The following STK32C variants were observed in gnomAD, a reference collection of about 807,000 sequenced individuals.
STK32C encodes the protein serine/threonine kinase 32C.
A neutral mutation model predicts 56.5 loss-of-function variants in STK32C; 31 were observed. The ratio of observed to expected loss-of-function variants is 0.55; its 90% CI spans 0.41 to 0.74. The LOEUF (loss-of-function observed/expected upper bound fraction) is 0.74, where lower values mean the gene tolerates loss of function less well. Among genes scored for constraint, STK32C ranks in the 30% least tolerant of loss-of-function variants. The pLI is 0.00. For synonymous variants in STK32C, 309 were observed against 289.4 expected, an observed-to-expected ratio of 1.07 and a Z score of -0.69; for missense variants, 544 against 676.9, an observed-to-expected ratio of 0.80 and a Z score of 2.18.
At chr10:132,230,942 G>C (rs2063079771) in intron 2 of STK32C, among the ~76,000 whole-genome samples, 1 of 152,146 alleles carries the variant, frequency 6.6e-6, no homozygotes, top group Admixed American at 6.5e-5. Flanking sequence ...CTCACCAGGG[G>C]ACAGGGCACC....
intron 1 of STK32C, among the ~76,000 whole-genome samples, chr10:132,328,203 T>A (rs2066539907): frequency 6.6e-6 from 1 of 152,050 alleles, no homozygotes; most frequent in Non-Finnish European, 1.5e-5. Context: ...TTTTTAAAGA[T>A]AATTGGGAGG....
intron 1 of STK32C, among the ~76,000 whole-genome samples, chr10:132,277,307 T>G (rs1487149835): frequency 6.6e-6 from 1 of 152,146 alleles, no homozygotes; most frequent in Non-Finnish European, 1.5e-5. Context: ...CTTCCCAAGT[T>G]GCAGCACAGA....
In STK32C at chr10:132,307,322, G is replaced by C; in HGVS notation, c.262+250C>G. 5.9e-6 allele frequency: 2 copies of C among 341,692 alleles called. No individual in the cohort carries two copies. The highest frequency in any genetic ancestry group is 6.3e-5 in the South Asian group (1 of 15,856). The allele number at this position is 341,692 out of a possible 1,614,324, so 21.2% of individuals were successfully genotyped here. On this transcript the variant is annotated intron_variant, in intron 1 of 11. Transcript: ENST00000298630. The surrounding 1 kb of genome is among the most constrained non-coding windows in gnomAD (Gnocchi z 4.4). ...AGCCCGGAGACGCCACAGCCGCGGGGGACCCTCGCCCCGAGGGCCCGGGCC... is the reference window on the plus strand; with the variant it reads ...AGCCCGGAGACGCCACAGCCGCGGGCGACCCTCGCCCCGAGGGCCCGGGCC...
chr10:132,293,267 G>A (rs1367212597), intron 1 of STK32C, among the ~76,000 whole-genome samples: 8 of 152,216 alleles, frequency 5.3e-5, no homozygotes, highest in African/African-American at 1.9e-4. Flanking sequence ...CTGGCGCCTG[G>A]CGGGCTCCCC....
At chr10:132,224,322 C>T in intron 8 of STK32C, 85 bp downstream of exon 8, 1 of 995,838 alleles carries the variant, frequency 1.0e-6, no homozygotes, top group Non-Finnish European at 1.5e-6. Context: ...TAACTGTGCA[C>T]TGGAGGGGGT....
intron 2 of STK32C, among the ~76,000 whole-genome samples, chr10:132,233,064 AAGG>A (rs1161493650): frequency 1.3e-5 from 2 of 152,170 alleles, no homozygotes; most frequent in Non-Finnish European, 2.9e-5. Flanking sequence ...CTGGTGTCCC[AAGG>A]AGAAGTAGAG....
chr10:132,313,175 G>A (rs12249068), intron 1 of STK32C, among the ~76,000 whole-genome samples: 44,043 of 152,136 alleles, frequency 0.29, 6,947 homozygotes, highest in African/African-American at 0.37. Context: ...ATGTTAAGCT[G>A]GAGACCATAA....
chr10:132,242,515 C>G (rs115586064), intron 2 of STK32C, among the ~76,000 whole-genome samples: 2,791 of 152,068 alleles, frequency 0.018, 90 homozygotes, highest in African/African-American at 0.062. Context: ...GCAGTTCCAG[C>G]GGCCCAGGAA....
In STK32C at chr10:132,227,651, T is replaced by C. The variant is rs554522631; in HGVS notation, c.470+326A>G. On this transcript the variant is annotated intron_variant, in intron 3 of 11. Coordinates refer to ENST00000298630, the MANE Select transcript of STK32C (RefSeq NM_173575.4). ...GTGATGGTGATGACAGTGGTGAGTTTTTCAGTCCCTAAACTCTCTCCCTCT... is the reference window on the plus strand; with the variant it reads ...GTGATGGTGATGACAGTGGTGAGTTCTTCAGTCCCTAAACTCTCTCCCTCT... Among the ~76,000 whole-genome samples, 3 of 152,172 alleles carry C rather than the reference T, an allele frequency of 2.0e-5. No individual in the cohort carries two copies. In the South Asian group the frequency reaches 6.2e-4, roughly 32 times the overall value.
At chr10:132,295,612 G>A (rs577212248) in intron 1 of STK32C, among the ~76,000 whole-genome samples, 5 of 152,370 alleles carry the variant, frequency 3.3e-5, no homozygotes, top group South Asian at 2.1e-4. Context: ...CAGGCCGGGC[G>A]CAGTGGCTCA....
intron 1 of STK32C, among the ~76,000 whole-genome samples, chr10:132,259,121 G>A (rs1265052528): frequency 6.6e-6 from 1 of 152,006 alleles, no homozygotes; most frequent in African/African-American, 2.4e-5. Context: ...ACAGCTGGGG[G>A]CATGAACAGG....
At chr10:132,245,296 C>A (rs2063647366) in intron 2 of STK32C, among the ~76,000 whole-genome samples, 1 of 152,214 alleles carries the variant, frequency 6.6e-6, no homozygotes, top group African/African-American at 2.4e-5. Context: ...GAGCTGCGCG[C>A]AGAAGCCGGA....
intron 2 of STK32C, among the ~76,000 whole-genome samples, chr10:132,238,065 C>T (rs1418913509): frequency 6.6e-6 from 1 of 152,068 alleles, no homozygotes; most frequent in Admixed American, 6.5e-5. Flanking sequence ...CTGGGCCCCT[C>T]AGTGTGGCAG....
intron 1 of STK32C, among the ~76,000 whole-genome samples, chr10:132,275,745 T>A (rs1470356113): frequency 6.6e-6 from 1 of 152,166 alleles, no homozygotes; most frequent in Non-Finnish European, 1.5e-5. Context: ...GGGTCTGCCT[T>A]CCTGGGAAAT....
chr10:132,246,017 T>G, intron 1 of STK32C, 62 bp from the exon 2 acceptor site: 1 of 1,510,858 alleles, frequency 6.6e-7, no homozygotes, highest in Non-Finnish European at 9.2e-7. Context: ...CCAGAGCAGC[T>G]CCCCCACCTC....
rs1339196372 is a variant in STK32C, at chr10:132,227,248, C to A, written c.471-280G>T. On this transcript the variant is annotated intron_variant, in intron 3 of 11. Transcript: ENST00000298630. Reference sequence around the variant, plus strand: ...GCAAATGCAGAGCAGAGCTACAGTGCCAGCTCCGGGTGCTTCAGGCTGCCC... The same window carrying A: ...GCAAATGCAGAGCAGAGCTACAGTGACAGCTCCGGGTGCTTCAGGCTGCCC... Among the ~76,000 whole-genome samples the A allele has an allele frequency of 5.3e-5, 8 of 152,254 alleles. No homozygotes were observed. The East Asian group carries it at 1.3e-3, about 26-fold the overall frequency.
intron 6 of STK32C, 76 bp downstream of exon 6, chr10:132,225,451 C>A: frequency 6.3e-7 from 1 of 1,598,828 alleles, no homozygotes; most frequent in South Asian, 1.1e-5. Context: ...CAGGGTGGGA[C>A]AGAGAAGCCA....
chr10:132,244,152 A>G (rs932672837), intron 2 of STK32C, among the ~76,000 whole-genome samples: 1 of 152,088 alleles, frequency 6.6e-6, no homozygotes, highest in Non-Finnish European at 1.5e-5. Flanking sequence ...CCCTCCCCTC[A>G]GTGCCAGGCA....
At chr10:132,249,080 C>A (rs755756922) in intron 1 of STK32C, 3 of 478,746 alleles carry the variant, frequency 6.3e-6, no homozygotes, top group African/African-American at 3.9e-5. Context: ...GGCAGAGGCT[C>A]CCAGCTGGGA....
Sources: allele counts gnomAD v4.1 joint callset (sites outside exome capture counted in the v4.1 genomes callset), GRCh38; gene constraint gnomAD v4.1.1; non-coding constraint Gnocchi (gnomAD v3.1); transcripts MANE v1.5; gene names NCBI Gene and HGNC (gene_info 2026-07-23, HGNC 2026-07-21).